Variants in PTPN20 observed in about 807,000 individuals in gnomAD.
PTPN20 encodes the protein tyrosine-protein phosphatase non-receptor type 20.
PTPN20 carries 9 observed loss-of-function variants against 35.0 expected under a neutral mutation model. The ratio of observed to expected loss-of-function variants is 0.26; its 90% CI spans 0.15 to 0.45. PTPN20 has a LOEUF of 0.45. Ranked by LOEUF, PTPN20 falls within the 20% of genes least tolerant of loss-of-function variation. The pLI, the probability that PTPN20 is intolerant of heterozygous loss-of-function variation, is 1.00. For missense variants in PTPN20, 111 were observed against 312.5 expected (o/e 0.36, Z 4.86); for synonymous variants, 32 against 100.2 (o/e 0.32, Z 4.06).
chr10:46,938,997 C>T (rs2042592824), intron 2 of PTPN20, among the ~76,000 whole-genome samples: 1 of 152,052 alleles, frequency 6.6e-6, no homozygotes, highest in South Asian at 2.1e-4. Context: ...GCCTGTAAGT[C>T]GCCTTCTATG....
intron 1 of PTPN20, among the ~76,000 whole-genome samples, chr10:46,931,878 G>A (rs1184862127): frequency 1.5e-4 from 22 of 146,618 alleles, no homozygotes; most frequent in Non-Finnish European, 3.0e-4. Context: ...TTTATGGCAA[G>A]AATTAGAAAA....
intron 9 of PTPN20, among the ~76,000 whole-genome samples, chr10:46,991,963 T>G (rs2137308020): frequency 6.6e-6 from 1 of 152,312 alleles, no homozygotes; most frequent in Non-Finnish European, 1.5e-5. Flanking sequence ...AATTTGCCTA[T>G]TGACTTCTCT....
chr10:46,946,123 CAGAG>C (rs1327288594), intron 4 of PTPN20, among the ~76,000 whole-genome samples: 18 of 4,550 alleles, frequency 4.0e-3, no homozygotes, highest in African/African-American at 0.026. Flanking sequence ...TTTACTAAGT[CAGAG>C]AGAGTATTAA....
At chr10:46,995,141 A>G (rs1263880073) in intron 9 of PTPN20, among the ~76,000 whole-genome samples, 1 of 151,906 alleles carries the variant, frequency 6.6e-6, no homozygotes, top group African/African-American at 2.4e-5. Flanking sequence ...TGCTTTATCC[A>G]TTTGGGGAGG....
chr10:46,926,347 T>C (rs2037366824), intron 1 of PTPN20, among the ~76,000 whole-genome samples: 1 of 151,822 alleles, frequency 6.6e-6, no homozygotes. Context: ...GATATTAGCT[T>C]GTTACTTTAA....
chr10:47,003,392 G>A (rs1217984020), downstream of PTPN20, among the ~76,000 whole-genome samples: 1 of 152,004 alleles, frequency 6.6e-6, no homozygotes, highest in Non-Finnish European at 1.5e-5. Flanking sequence ...TACAAAAGTG[G>A]AATAATTGCT....
intron 9 of PTPN20, among the ~76,000 whole-genome samples, chr10:46,997,365 G>GTT (rs1179109046): frequency 7.1e-6 from 1 of 141,388 alleles, no homozygotes. Flanking sequence ...GGTTTTGTAG[G>GTT]TTTTTTTTTT....
intron 9 of PTPN20, among the ~76,000 whole-genome samples, chr10:46,993,658 T>A (rs544888771): frequency 2.0e-4 from 31 of 152,302 alleles, no homozygotes; most frequent in African/African-American, 6.0e-4. Flanking sequence ...GAAAAAATTT[T>A]AAAAAAATTC....
chr10:46,968,708 A>G (rs1180195896), intron 7 of PTPN20, among the ~76,000 whole-genome samples: 15 of 151,780 alleles, frequency 9.9e-5, no homozygotes, highest in African/African-American at 1.7e-4. Flanking sequence ...TCAAAACTAA[A>G]TTTACTATTT....
At chr10:46,977,291 C>CAA (rs1441026639) in intron 7 of PTPN20, among the ~76,000 whole-genome samples, 1 of 152,298 alleles carries the variant, frequency 6.6e-6, no homozygotes, top group East Asian at 1.9e-4. Flanking sequence ...TGCCAGTCCC[C>CAA]ACAATCATGA....
At chr10:46,998,081 A>G (rs2059462913) in intron 9 of PTPN20, among the ~76,000 whole-genome samples, 1 of 152,178 alleles carries the variant, frequency 6.6e-6, no homozygotes, top group Admixed American at 6.5e-5. Context: ...CAAAAACAAA[A>G]CTAACTAAAG....
intron 3 of PTPN20, among the ~76,000 whole-genome samples, chr10:46,941,938 T>C (rs1298062524): frequency 2.5e-5 from 2 of 81,574 alleles, no homozygotes; most frequent in Admixed American, 2.8e-4. Context: ...CCCCTAGAAA[T>C]TGTCTAGACT....
At chr10:46,948,108 C>T (rs1292538926) in intron 5 of PTPN20, among the ~76,000 whole-genome samples, 4 of 152,056 alleles carry the variant, frequency 2.6e-5, no homozygotes, top group African/African-American at 4.8e-5. Context: ...TTTCTGTCAA[C>T]CTTTCTTCAA....
At chr10:47,000,352 C>T (rs1020518674) in intron 10 of PTPN20, among the ~76,000 whole-genome samples, 55 of 151,956 alleles carry the variant, frequency 3.6e-4, no homozygotes, top group Non-Finnish European at 5.4e-4. Flanking sequence ...GTTATCAGGA[C>T]GTCATAAAAA....
chr10:46,920,319 G>A (rs1384137366), intron 1 of PTPN20, among the ~76,000 whole-genome samples: 3 of 97,178 alleles, frequency 3.1e-5, no homozygotes, highest in Admixed American at 1.2e-4. Context: ...AAATACAGAA[G>A]GAGCCAAGAA....
At chr10:46,939,972 G>C (rs1465934884) in intron 2 of PTPN20, among the ~76,000 whole-genome samples, 1 of 152,008 alleles carries the variant, frequency 6.6e-6, no homozygotes, top group Non-Finnish European at 1.5e-5. Context: ...AATATTTAAG[G>C]CTCCCATGGT....
intron 5 of PTPN20, among the ~76,000 whole-genome samples, chr10:46,959,723 C>A: frequency 8.2e-6 from 1 of 122,314 alleles, no homozygotes. Context: ...ACTTATCACT[C>A]TAATTTGAAT....
Position 47,000,987 on chromosome 10 carries a change from T to A in PTPN20, c.*246T>A. ...TTCCCACATTTTCCAGTGAAACAGA[T>A]GTTACATAAAACGATTGCAGCTTGG... On this transcript the variant is annotated 3_prime_UTR_variant, in exon 11 of 11. Coordinates refer to ENST00000374339, the MANE Select transcript of PTPN20 (RefSeq NM_001042357.5). The A allele has an allele frequency of 1.8e-6, 1 of 570,494 alleles. No individual in the cohort carries two copies. Among genetic ancestry groups the A allele is most frequent in the Non-Finnish European group, 3.2e-6 (1 of 315,166 alleles). The allele number at this position is 570,494 out of a possible 1,614,324, so 35.3% of individuals were successfully genotyped here. A position where few individuals can be genotyped will look rare whatever the true frequency, so the allele number is the denominator to read the frequency against.
chr10:46,922,607 C>G (rs1345693786), intron 1 of PTPN20, among the ~76,000 whole-genome samples: 1 of 124,640 alleles, frequency 8.0e-6, no homozygotes, highest in African/African-American at 3.9e-5. Flanking sequence ...AAGGAACCAG[C>G]ACTTGATGGG....
Sources: allele counts gnomAD v4.1 joint callset (sites outside exome capture counted in the v4.1 genomes callset), GRCh38; gene constraint gnomAD v4.1.1; transcripts MANE v1.5; gene names NCBI Gene and HGNC (gene_info 2026-07-23, HGNC 2026-07-21).